Variants in TMEM50A observed in about 807,000 individuals in gnomAD.
TMEM50A encodes the protein cervical cancer oncogene 9.
TMEM50A carries 8 observed loss-of-function variants against 23.9 expected under a neutral mutation model. That is an observed-to-expected ratio of 0.33 (90% CI 0.20 to 0.60). TMEM50A has a LOEUF of 0.60. Ranked by LOEUF, TMEM50A falls within the 20% of genes least tolerant of loss-of-function variation. The probability of loss-of-function intolerance (pLI) is 0.81; values close to 1 mark genes in which losing one functional copy is unlikely to be tolerated. For missense variants in TMEM50A, 178 were observed against 192.7 expected, an observed-to-expected ratio of 0.92 and a Z score of 0.45; for synonymous variants, 55 against 60.4, an observed-to-expected ratio of 0.91 and a Z score of 0.41.
chr1:25,360,226 G>A (rs1035772994), intron 6 of TMEM50A, among the ~76,000 whole-genome samples: 2 of 151,906 alleles, frequency 1.3e-5, no homozygotes, highest in African/African-American at 4.8e-5. Context: ...GCGGGTGCCT[G>A]TAGTCCCAGC....
At chr1:25,354,354 T>G (rs1354960941) in intron 5 of TMEM50A, among the ~76,000 whole-genome samples, 1 of 152,188 alleles carries the variant, frequency 6.6e-6, no homozygotes, top group Admixed American at 6.6e-5. Flanking sequence ...GTGGGTGCAG[T>G]GTAATCCCAG....
At chr1:25,345,571 C>T (rs911569958) in intron 3 of TMEM50A, among the ~76,000 whole-genome samples, 2 of 151,558 alleles carry the variant, frequency 1.3e-5, no homozygotes, top group African/African-American at 4.8e-5. Flanking sequence ...CAGAGTGAGA[C>T]TCTGTCTCAA....
intron 5 of TMEM50A, among the ~76,000 whole-genome samples, chr1:25,354,001 T>A (rs778096793): frequency 3.3e-5 from 5 of 152,130 alleles, no homozygotes; most frequent in Non-Finnish European, 4.4e-5. Flanking sequence ...AATTATTTTT[T>A]TTATTTTTTG....
chr1:25,341,039 A>G (rs570524750), intron 2 of TMEM50A, among the ~76,000 whole-genome samples: 39 of 151,944 alleles, frequency 2.6e-4, no homozygotes, highest in African/African-American at 9.4e-4. Flanking sequence ...GCCCCTTAAA[A>G]TTTTTTTTTA....
At chr1:25,353,269 T>C (rs910433518) in intron 5 of TMEM50A, among the ~76,000 whole-genome samples, 4 of 152,208 alleles carry the variant, frequency 2.6e-5, no homozygotes, top group Non-Finnish European at 5.9e-5. Flanking sequence ...ACATATGTTA[T>C]CTAGCTAGTT....
chr1:25,344,794 C>G (rs1329287131), intron 3 of TMEM50A, among the ~76,000 whole-genome samples: 2 of 151,582 alleles, frequency 1.3e-5, no homozygotes, highest in African/African-American at 4.8e-5. Flanking sequence ...TTCTTGAATG[C>G]TGCAGTTCTA....
chr1:25,362,161 TTTG>T lies in TMEM50A; in HGVS notation c.*1458_*1460del. 1 of 400,518 alleles carries T rather than the reference TTTG, an allele frequency of 2.5e-6. No homozygotes were observed. 24.8% of individuals were successfully genotyped at this position (400,518 alleles called of 1,614,324 possible). ...TATCAGTGATTTGTAATTTTCCTGT[TTTG>T]TATTATCTGCTTTGCTGATGTAGAC... is the stretch of plus-strand genomic sequence containing the variant. On this transcript the variant is annotated 3_prime_UTR_variant, in exon 7 of 7. Transcript: ENST00000374358.
At chr1:25,360,040 A>G (rs893400906) in intron 6 of TMEM50A, among the ~76,000 whole-genome samples, 1 of 152,186 alleles carries the variant, frequency 6.6e-6, no homozygotes, top group Non-Finnish European at 1.5e-5. Context: ...CAGTTTGTTG[A>G]ATGAATTTGA....
intron 5 of TMEM50A, among the ~76,000 whole-genome samples, chr1:25,356,270 T>C (rs1377735006): frequency 1.3e-5 from 2 of 152,162 alleles, no homozygotes; most frequent in Non-Finnish European, 2.9e-5. Flanking sequence ...GTTGCCCTCT[T>C]TCTTTACCCT....
intron 5 of TMEM50A, among the ~76,000 whole-genome samples, chr1:25,355,137 C>T (rs3093626): frequency 2.6e-5 from 4 of 152,008 alleles, no homozygotes; most frequent in African/African-American, 9.6e-5. Flanking sequence ...GGCAAAACCC[C>T]ATCTCTACTA....
rs774445401 is a variant in TMEM50A at position 25,352,888 on chromosome 1, G to A, written c.281G>A (p.Arg94His). 40 of 1,612,740 alleles carry A rather than the reference G, an allele frequency of 2.5e-5. No individual in the cohort carries two copies. In the Admixed American group the frequency reaches 3.5e-4, roughly 14 times the overall value. The stretch of plus-strand genomic sequence containing the variant: ...AAATATTATTTCTTTGAAGGTGCTC[G>A]CATTTGGCTTTTCGTTGGTTTCATG... ...SEGCLGQTGA[R>H]IWLFVGFMLA... The change falls in exon 5 of 7, where the codon CGC (arginine) becomes CAC (histidine). Residue 94 changes from arginine to histidine, a missense_variant. By Grantham distance (29) the Arg-to-His change is conservative. Coordinates refer to ENST00000374358, the MANE Select transcript of TMEM50A (RefSeq NM_014313.4).
chr1:25,360,675 G>C lies in TMEM50A; in HGVS notation c.444G>C (p.Lys148Asn). 6.2e-7 allele frequency: 1 copy of C among 1,614,066 alleles called. No homozygotes were observed. Among genetic ancestry groups the C allele is most frequent in the Non-Finnish European group, 8.5e-7 (1 of 1,180,002 alleles). The change falls in exon 7 of 7, where the codon AAG becomes AAC. Residue 148 changes from lysine to asparagine, a missense_variant. Transcript: ENST00000374358. The stretch of plus-strand genomic sequence containing the variant: ...TTATTCACAGAGGGCTGGTTTTTAA[G>C]TTTGGCCGCACTGAAGACTTATGGC... ...AFIFFGGLVF[K>N]FGRTEDLWQ
Position 25,360,917 on chromosome 1 carries a change from G to T in TMEM50A, c.*212G>T, listed in dbSNP as rs1325145798. 2.5e-6 allele frequency: 1 copy of T among 403,872 alleles called. No individual in the cohort carries two copies. Among genetic ancestry groups the T allele is most frequent in the Non-Finnish European group, 4.4e-6 (1 of 228,008 alleles). 25.0% of individuals were successfully genotyped at this position (403,872 alleles called of 1,614,324 possible). On this transcript the variant is annotated 3_prime_UTR_variant, in exon 7 of 7. Coordinates refer to ENST00000374358, the MANE Select transcript of TMEM50A (RefSeq NM_014313.4). ...TTGATTAACTTATAAAATGTTAGAG[G>T]AAACTTTCACATGAATAATTTTTGT... is the stretch of plus-strand genomic sequence containing the variant.
intron 3 of TMEM50A, among the ~76,000 whole-genome samples, chr1:25,345,120 CTTTTTTTTTTTT>C (rs775789415): frequency 3.4e-5 from 4 of 117,464 alleles, no homozygotes; most frequent in African/African-American, 9.6e-5. Flanking sequence ...ACCACATCTT[CTTTTTTTTTTTT>C]TTTTTTTTGG....
intron 4 of TMEM50A, among the ~76,000 whole-genome samples, chr1:25,352,453 G>A (rs3093617): frequency 0.01 from 1,502 of 144,448 alleles, 26 homozygotes; most frequent in African/African-American, 0.037. Context: ...CCGAGATTGC[G>A]CCACTGCACT....
intron 3 of TMEM50A, among the ~76,000 whole-genome samples, chr1:25,343,820 A>G (rs1320031267): frequency 2.6e-5 from 4 of 152,354 alleles, no homozygotes; most frequent in South Asian, 4.1e-4. Flanking sequence ...CAGGTGAAAC[A>G]GCAAGTACAA....
In TMEM50A at chr1:25,360,125, G is replaced by A. The variant is rs189318814; in HGVS notation, c.429-535G>A. Among the ~76,000 whole-genome samples, 6 of 152,228 alleles carry A rather than the reference G, an allele frequency of 3.9e-5. No individual in the cohort carries two copies. In the East Asian group the frequency reaches 5.8e-4, roughly 15 times the overall value. ...AGCACTTTGGGAGGCCGAGGTAGGC[G>A]GATCACGAGGTCAGGAGATCGAGAC... On this transcript the variant is annotated intron_variant, in intron 6 of 6. Coordinates refer to ENST00000374358, the MANE Select transcript of TMEM50A (RefSeq NM_014313.4).
At chr1:25,339,366 AATTACT>A (rs749171186) in intron 1 of TMEM50A, among the ~76,000 whole-genome samples, 5 of 152,232 alleles carry the variant, frequency 3.3e-5, no homozygotes, top group Admixed American at 1.3e-4. Flanking sequence ...TTGTAATCTG[AATTACT>A]ATTAACCACG....
chr1:25,355,264 C>T (rs1172437361), intron 5 of TMEM50A, among the ~76,000 whole-genome samples: 9 of 151,702 alleles, frequency 5.9e-5, no homozygotes, highest in Admixed American at 2.6e-4. Context: ...GCTGCGATCA[C>T]GCCACTGCAC....
Sources: allele counts gnomAD v4.1 joint callset (sites outside exome capture counted in the v4.1 genomes callset), GRCh38; gene constraint gnomAD v4.1.1; transcripts MANE v1.5; gene names NCBI Gene and HGNC (gene_info 2026-07-23, HGNC 2026-07-21).